Variants in ARMC6 observed in about 807,000 individuals in gnomAD.
ARMC6 encodes the protein armadillo repeat-containing protein 6.
Under a neutral mutation model 49.2 loss-of-function variants are expected in ARMC6, and 43 were observed. That is an observed-to-expected ratio of 0.87 (90% CI 0.69 to 1.13). ARMC6 has a LOEUF of 1.13. Ranked by LOEUF, ARMC6 falls within the 50% of genes most tolerant of loss-of-function variation. The probability of loss-of-function intolerance (pLI) is 0.00; values close to 1 mark genes in which losing one functional copy is unlikely to be tolerated. For synonymous variants in ARMC6, 262 were observed against 289.6 expected (o/e 0.90, Z 0.97); for missense variants, 627 against 682.0 (o/e 0.92, Z 0.90).
At chr19:19,045,493 C>CTTTTTTTTTTTTATTTTTT in intron 4 of ARMC6, among the ~76,000 whole-genome samples, 1 of 89,118 alleles carries the variant, frequency 1.1e-5, no homozygotes, top group South Asian at 3.9e-4. Context: ...ATGCTAAATT[C>CTTTTTTTTTTTTATTTTTT]TTTTTTTTTT....
At chr19:19,047,261 C>T (rs939281939) in intron 4 of ARMC6, among the ~76,000 whole-genome samples, 6 of 152,112 alleles carry the variant, frequency 3.9e-5, no homozygotes, top group African/African-American at 9.7e-5. Context: ...TGCATCTCAG[C>T]GGTCAGTTCG....
Position 19,051,666 on chromosome 19 carries a change from G to A in ARMC6, c.324G>A (p.Gln108=). 5.6e-6 allele frequency: 9 copies of A among 1,612,692 alleles called. No homozygotes were observed. Among genetic ancestry groups the A allele is most frequent in the Non-Finnish European group, 7.6e-6 (9 of 1,179,382 alleles). ...AGTCTGTGGCCAGCTCTCGCCCCCA[G>A]GAGGTGTCAGCATACCTCACCCGCT... is the stretch of plus-strand genomic sequence containing the variant. ...LQESVASSRP[Q]EVSAYLTRFC... is the part of the protein sequence containing the mutation. The change falls in exon 5 of 9, where the codon CAG becomes CAA. Residue 108 remains glutamine (Q), a synonymous_variant. Coordinates refer to ENST00000535612, the MANE Select transcript of ARMC6 (RefSeq NM_001199196.2).
Position 19,051,954 on chromosome 19 carries a change from C to T in ARMC6, c.612C>T (p.His204=), listed in dbSNP as rs532717577. 11 of 1,614,162 alleles carry T rather than the reference C, an allele frequency of 6.8e-6. No homozygotes were observed. The Admixed American group carries it at 1.3e-4, about 20-fold the overall frequency. ...GCTCTGGGATCCGCTGTGTGCGTCACGCTTGCCTGAAACATGAACAGAATC... is the reference window on the plus strand; with the variant it reads ...GCTCTGGGATCCGCTGTGTGCGTCATGCTTGCCTGAAACATGAACAGAATC... ...LTCSGIRCVR[H]ACLKHEQNRQ... Residue 204 remains histidine (H), a synonymous_variant, in exon 5 of 9, where the codon CAC becomes CAT. Coordinates refer to ENST00000535612, the MANE Select transcript of ARMC6 (RefSeq NM_001199196.2).
At chr19:19,034,373 T>C in intron 2 of ARMC6, 135 bp downstream of exon 2, 1 of 1,144,200 alleles carries the variant, frequency 8.7e-7, no homozygotes, top group Non-Finnish European at 1.2e-6. Context: ...TTGGAAGGCT[T>C]AGATAGAGAA....
In ARMC6 at chr19:19,044,014, A is replaced by G; in HGVS notation, c.219A>G (p.Val73=). Residue 73 remains valine, a synonymous_variant, in exon 4 of 9, where the codon GTA becomes GTG. Coordinates refer to ENST00000535612, the MANE Select transcript of ARMC6 (RefSeq NM_001199196.2). The part of the protein sequence containing the change: ...ESQGVDLSNI[V]KTAPKVSADG... ...CAGGGGTTGATCTGAGCAACATTGT[A>G]AAGACGGCACCTAAAGTCTCTGCAG... 1 of 1,614,100 alleles carries G rather than the reference A, an allele frequency of 6.2e-7. No individual in the cohort carries two copies. The highest frequency in any genetic ancestry group is 8.5e-7 in the Non-Finnish European group (1 of 1,179,980).
intron 4 of ARMC6, among the ~76,000 whole-genome samples, chr19:19,045,075 A>C (rs778613126): frequency 6.7e-6 from 1 of 149,952 alleles, no homozygotes; most frequent in Non-Finnish European, 1.5e-5. Flanking sequence ...CACTGGCGTG[A>C]TCTCAGCTCA....
intron 2 of ARMC6, among the ~76,000 whole-genome samples, chr19:19,036,093 G>A (rs968015548): frequency 1.3e-5 from 2 of 152,032 alleles, no homozygotes; most frequent in Admixed American, 6.6e-5. Context: ...ATAGAGTCTC[G>A]CTCTGTCGCC....
intron 8 of ARMC6, 121 bp from the exon 9 acceptor site, chr19:19,057,295 A>G (rs2059552638): frequency 1.3e-6 from 1 of 790,480 alleles, no homozygotes; most frequent in African/African-American, 1.7e-5. Context: ...CAGTATAGGC[A>G]GCTGCTGGAT....
At chr19:19,052,905 C>T (rs1209870201) in intron 5 of ARMC6, among the ~76,000 whole-genome samples, 4 of 152,198 alleles carry the variant, frequency 2.6e-5, no homozygotes, top group Admixed American at 1.3e-4. Flanking sequence ...AAATGAGTCC[C>T]GACCTTCTGC....
Position 19,042,757 on chromosome 19 carries a change from A to G in ARMC6, c.76A>G (p.Met26Val), listed in dbSNP as rs754525645. ...GCTPTSTQAK[M>V]VSKRIAQETF... ...CACGCCAACATCAACACAGGCGAAG[A>G]TGGTCTCCAAGCGCATTGCCCAGGA... The change falls in exon 3 of 9, where the codon ATG (methionine) becomes GTG (valine). Residue 26 changes from methionine to valine, a missense_variant. Physicochemically the swap from Met to Val is conservative, Grantham distance 21. Transcript: ENST00000535612. 1.2e-6 allele frequency: 2 copies of G among 1,613,778 alleles called. No homozygotes were observed. The highest frequency in any genetic ancestry group is 1.3e-5 in the African/African-American group (1 of 74,944).
chr19:19,040,070 T>C (rs1474263043), intron 2 of ARMC6, among the ~76,000 whole-genome samples: 1 of 152,252 alleles, frequency 6.6e-6, no homozygotes, highest in Admixed American at 6.5e-5. Flanking sequence ...ATGGCTTCTG[T>C]ACTAGGCAGT....
Position 19,057,541 on chromosome 19 carries a change from C to G in ARMC6, c.1419C>G (p.Asp473Glu). The part of the protein sequence containing the change: ...QARSAHRDCE[D>E]VAKAALRDLG... ...GATCTGCCCACCGTGACTGTGAGGA[C>G]GTGGCCAAGGCCGCCCTGCGGGACC... The change falls in exon 9 of 9, where the codon GAC becomes GAG. Residue 473 changes from aspartate (D) to glutamate (E), a missense_variant. Transcript: ENST00000535612. 6.2e-7 allele frequency: 1 copy of G among 1,613,916 alleles called. No individual in the cohort carries two copies. Among genetic ancestry groups the G allele is most frequent in the East Asian group, 2.2e-5 (1 of 44,862 alleles).
intron 2 of ARMC6, among the ~76,000 whole-genome samples, chr19:19,038,045 T>C (rs965544821): frequency 6.6e-6 from 1 of 152,166 alleles, no homozygotes; most frequent in Non-Finnish European, 1.5e-5. Context: ...TCAGCAGCAT[T>C]AAATTATAGG....
In ARMC6 at chr19:19,033,986, C is replaced by T. The variant is rs923480767; in HGVS notation, c.-80+56C>T. Reference sequence around the variant, plus strand: ...CGCGCGGAGTGGGGAGTGGGGGTGCCGCAGGGTCGGGCTGGCGCGACCCTC... The same window carrying T: ...CGCGCGGAGTGGGGAGTGGGGGTGCTGCAGGGTCGGGCTGGCGCGACCCTC... On this transcript the variant is annotated intron_variant, in intron 1 of 8. Coordinates refer to ENST00000535612, the MANE Select transcript of ARMC6 (RefSeq NM_001199196.2). 6 of 543,406 alleles carry T rather than the reference C, an allele frequency of 1.1e-5. No homozygotes were observed. The Admixed American group carries it at 1.3e-4, about 11-fold the overall frequency. The allele number at this position is 543,406 out of a possible 1,614,324, so 33.7% of individuals were successfully genotyped here.
At chr19:19,050,877 A>G (rs1408361361) in intron 4 of ARMC6, among the ~76,000 whole-genome samples, 2 of 152,148 alleles carry the variant, frequency 1.3e-5, no homozygotes, top group Non-Finnish European at 2.9e-5. Flanking sequence ...AATCTCCTAC[A>G]CTTCAGGCTC....
chr19:19,053,369 C>G (rs1038046021), intron 5 of ARMC6, among the ~76,000 whole-genome samples: 8 of 152,110 alleles, frequency 5.3e-5, no homozygotes, highest in African/African-American at 1.9e-4. Context: ...CACCTGTAAT[C>G]CCAGTTACTT....
intron 4 of ARMC6, among the ~76,000 whole-genome samples, chr19:19,049,169 C>T (rs2059476522): frequency 6.6e-6 from 1 of 151,348 alleles, no homozygotes; most frequent in African/African-American, 2.4e-5. Context: ...TCTTCAGCCT[C>T]AGCCTCCCAT....
At chr19:19,053,445 C>T (rs2059515653) in intron 5 of ARMC6, among the ~76,000 whole-genome samples, 1 of 152,080 alleles carries the variant, frequency 6.6e-6, no homozygotes, top group African/African-American at 2.4e-5. Flanking sequence ...CAAGATCACG[C>T]CACTGCACTC....
In ARMC6 at chr19:19,043,984, C is replaced by A. The variant is rs1432148162; in HGVS notation, c.197-8C>A. 6.2e-7 allele frequency: 1 copy of A among 1,613,798 alleles called. No homozygotes were observed. The highest frequency in any genetic ancestry group is 1.7e-5 in the Admixed American group (1 of 59,998). On this transcript the variant is annotated splice_polypyrimidine_tract_variant and splice_region_variant and intron_variant, in intron 3 of 8. Transcript: ENST00000535612. Reference sequence around the variant, plus strand: ...CCCCTGTGTGCTTGCTTCCCCCACCCCCAACAGGGGTTGATCTGAGCAACA... The same window carrying A: ...CCCCTGTGTGCTTGCTTCCCCCACCACCAACAGGGGTTGATCTGAGCAACA...
Sources: allele counts gnomAD v4.1 joint callset (sites outside exome capture counted in the v4.1 genomes callset), GRCh38; gene constraint gnomAD v4.1.1; transcripts MANE v1.5; gene names NCBI Gene and HGNC (gene_info 2026-07-23, HGNC 2026-07-21).